KMT2C: variants seen among roughly 807,000 people sequenced by gnomAD.
KMT2C encodes histone-lysine N-methyltransferase 2C.
A neutral mutation model predicts 507.9 loss-of-function variants in KMT2C; 88 were observed. The observed-to-expected ratio is 0.17, with a 90% CI of 0.15 to 0.21. The LOEUF is 0.21. KMT2C is among the 10% of genes least tolerant of loss of function. The pLI is 1.00. For synonymous variants in KMT2C, 2,049 were observed against 2,080.8 expected (o/e 0.98, Z 0.42); for missense variants, 4,954 against 5,957.8 (o/e 0.83, Z 5.55).
rs896639046 is a variant in KMT2C, at chr7:152,312,010, G to A, written c.591-64C>T. 9.1e-6 allele frequency: 12 copies of A among 1,325,564 alleles called. No homozygotes were observed. In the East Asian group the frequency reaches 2.9e-4, roughly 32 times the overall value. 82.1% of individuals were successfully genotyped at this position (1,325,564 alleles called of 1,614,324 possible). On this transcript the variant is annotated intron_variant, in intron 4 of 58. Transcript: ENST00000262189. The stretch of plus-strand genomic sequence containing the variant: ...GCAGAAAATTGTTTCATTTTTAACT[G>A]TTTAAATGCAATGTACTGCCAAATC...
intron 6 of KMT2C, among the ~76,000 whole-genome samples, chr7:152,302,475 G>A (rs942094194): frequency 5.9e-5 from 9 of 151,974 alleles, no homozygotes; most frequent in Admixed American, 5.9e-4. Flanking sequence ...GCCTCCCAAA[G>A]TGCTAGGATT....
chr7:152,294,111 G>A (rs1312164908), intron 6 of KMT2C, among the ~76,000 whole-genome samples: 2 of 148,670 alleles, frequency 1.3e-5, no homozygotes, highest in Admixed American at 1.4e-4. Flanking sequence ...CTCAAGTTAT[G>A]TGCCTGCCTC....
At chr7:152,299,087 A>G (rs1271295795) in intron 6 of KMT2C, among the ~76,000 whole-genome samples, 1 of 152,180 alleles carries the variant, frequency 6.6e-6, no homozygotes, top group Non-Finnish European at 1.5e-5. Context: ...TGGGAGGCCA[A>G]GGTAAGCGGA....
At chr7:152,382,173 C>T (rs2097379888) in intron 1 of KMT2C, among the ~76,000 whole-genome samples, 1 of 152,138 alleles carries the variant, frequency 6.6e-6, no homozygotes, top group Admixed American at 6.5e-5. Flanking sequence ...TTCTGAGATA[C>T]ATAAACAACC....
intron 27 of KMT2C, among the ~76,000 whole-genome samples, chr7:152,197,402 G>A (rs958511297): frequency 2.0e-5 from 3 of 152,014 alleles, no homozygotes; most frequent in African/African-American, 7.3e-5. Flanking sequence ...GGGGGAGGAG[G>A]GCATAAATGT....
At chr7:152,147,719 AAAAAAAAAAG>A (rs2091265107) in intron 52 of KMT2C, among the ~76,000 whole-genome samples, 2 of 147,060 alleles carry the variant, frequency 1.4e-5, no homozygotes, top group African/African-American at 5.3e-5. Flanking sequence ...AAAAAAAAAA[AAAAAAAAAAG>A]AAAAAGAAAA....
chr7:152,179,271 C>G (rs1258945728), intron 37 of KMT2C, among the ~76,000 whole-genome samples: 1 of 152,246 alleles, frequency 6.6e-6, no homozygotes, highest in Admixed American at 6.5e-5. Context: ...ATTGGGATTA[C>G]AGGCCTGAGC....
At chr7:152,291,746 A>G (rs1400360490) in intron 6 of KMT2C, among the ~76,000 whole-genome samples, 1 of 152,260 alleles carries the variant, frequency 6.6e-6, no homozygotes. Context: ...GAAAACCATG[A>G]AAAATCATTC....
chr7:152,337,007 T>C (rs1029379830), intron 2 of KMT2C, among the ~76,000 whole-genome samples: 5 of 152,130 alleles, frequency 3.3e-5, no homozygotes, highest in African/African-American at 9.7e-5. Context: ...AACCTAATCA[T>C]TGACCTGGCG....
chr7:152,169,327 G>GA (rs1236281897), intron 40 of KMT2C, 78 bp from the exon 41 acceptor site: 5 of 764,374 alleles, frequency 6.5e-6, no homozygotes, highest in African/African-American at 5.4e-5. Context: ...AAGAAAGAAA[G>GA]AAAAAAAGAA....
At chr7:152,143,933 G>T (rs901849722) in intron 55 of KMT2C, among the ~76,000 whole-genome samples, 2 of 152,200 alleles carry the variant, frequency 1.3e-5, no homozygotes, top group African/African-American at 4.8e-5. Context: ...AGTGGTACAG[G>T]CAAGTGATAT....
At position 152,422,935 on chromosome 7, in the gene KMT2C, T is replaced by A. The variant is rs570346412; in HGVS notation, c.161+12691A>T. 2.1e-4 allele frequency among the ~76,000 whole-genome samples: 32 copies of A among 149,708 alleles called. No individual in the cohort carries two copies. The South Asian group carries it at 6.5e-3, about 30-fold the overall frequency. Reference sequence around the variant, plus strand: ...AGGAGGTGGAGGCAGGAGAATGGCATGAACCCGGGAGGCGGAGCTTACAGT... The same window carrying A: ...AGGAGGTGGAGGCAGGAGAATGGCAAGAACCCGGGAGGCGGAGCTTACAGT... On this transcript the variant is annotated intron_variant, in intron 1 of 58. Coordinates refer to ENST00000262189, the MANE Select transcript of KMT2C (RefSeq NM_170606.3).
intron 57 of KMT2C, 119 bp downstream of exon 57, chr7:152,139,067 C>G: frequency 9.4e-7 from 1 of 1,060,782 alleles, no homozygotes; most frequent in East Asian, 2.4e-5. Flanking sequence ...CTCATTTGCT[C>G]TGAATGTTTA....
chr7:152,138,528 A>G lies in KMT2C; in HGVS notation c.14643+268T>C. On this transcript the variant is annotated intron_variant, in intron 58 of 58. Coordinates refer to ENST00000262189, the MANE Select transcript of KMT2C (RefSeq NM_170606.3). This position sits in a 1 kb window ranked among gnomAD's most constrained non-coding sequence, Gnocchi z 4.2. ...TCCTATGGCACACAGAAATGATACCACCTGGGTGCCATGGGGATGCTGAAC... is the reference window on the plus strand; with the variant it reads ...TCCTATGGCACACAGAAATGATACCGCCTGGGTGCCATGGGGATGCTGAAC... 1 of 340,034 alleles carries G rather than the reference A, an allele frequency of 2.9e-6. No homozygotes were observed. The allele number at this position is 340,034 out of a possible 1,614,324, so 21.1% of individuals were successfully genotyped here.
chr7:152,245,148 A>G (rs1206126137), intron 14 of KMT2C, among the ~76,000 whole-genome samples: 1 of 152,226 alleles, frequency 6.6e-6, no homozygotes, highest in Admixed American at 6.5e-5. Context: ...ATCTGCATTA[A>G]AATGTGTTCC....
intron 31 of KMT2C, 39 bp from the exon 32 acceptor site, chr7:152,187,886 C>A (rs2093672846): frequency 1.2e-6 from 2 of 1,607,654 alleles, no homozygotes; most frequent in East Asian, 4.5e-5. Flanking sequence ...ATGATATTCA[C>A]AAGTAACAAG....
intron 2 of KMT2C, among the ~76,000 whole-genome samples, chr7:152,333,410 A>G (rs2096902471): frequency 6.6e-6 from 1 of 152,182 alleles, no homozygotes; most frequent in Admixed American, 6.5e-5. Context: ...TACAGGCATG[A>G]GTCACTACTC....
At chr7:152,180,689 T>G in intron 36 of KMT2C, 22 bp downstream of exon 36, 3 of 1,535,742 alleles carry the variant, frequency 2.0e-6, no homozygotes, top group Non-Finnish European at 2.7e-6. Context: ...CATTTAAAAC[T>G]GAGAACATAC....
At position 152,214,541 on chromosome 7, in the gene KMT2C, A is replaced by T. The variant is rs543811399; in HGVS notation, c.3712+5982T>A. Among the ~76,000 whole-genome samples, 5 of 152,202 alleles carry T rather than the reference A, an allele frequency of 3.3e-5. No individual in the cohort carries two copies. In the East Asian group the frequency reaches 9.6e-4, roughly 29 times the overall value. On this transcript the variant is annotated intron_variant, in intron 23 of 58. Coordinates refer to ENST00000262189, the MANE Select transcript of KMT2C (RefSeq NM_170606.3). ...AAATGAAAAAAAAATCAGTTTTGTC[A>T]TACTTTTTTCCCCCTCTTAACCACA...
Sources: allele counts gnomAD v4.1 joint callset (sites outside exome capture counted in the v4.1 genomes callset), GRCh38; gene constraint gnomAD v4.1.1; non-coding constraint Gnocchi (gnomAD v3.1); transcripts MANE v1.5; gene names NCBI Gene and HGNC (gene_info 2026-07-23, HGNC 2026-07-21).